ADAMTS17: variants seen among roughly 807,000 people sequenced by gnomAD.
The protein encoded by ADAMTS17 is A disintegrin and metalloproteinase with thrombospondin motifs 17.
In ADAMTS17, 113 loss-of-function variants were observed where a neutral mutation model predicts 141.5. The observed-to-expected ratio is 0.80, with a 90% CI of 0.69 to 0.93. The LOEUF (loss-of-function observed/expected upper bound fraction) is 0.93, where lower values mean the gene tolerates loss of function less well. Ranked by LOEUF, ADAMTS17 falls within the 40% of genes least tolerant of loss-of-function variation. ADAMTS17 has a pLI of 0.00. For synonymous variants in ADAMTS17, 768 were observed against 630.6 expected (o/e 1.22, Z -3.27); for missense variants, 1,659 against 1,517.9 (o/e 1.09, Z -1.54).
At chr15:100,263,902 A>G (rs1484613855) in intron 4 of ADAMTS17, among the ~76,000 whole-genome samples, 1 of 152,240 alleles carries the variant, frequency 6.6e-6, no homozygotes, top group Non-Finnish European at 1.5e-5. Context: ...CAGCATCACC[A>G]GGGTCAACTC....
chr15:100,133,189 G>C, intron 11 of ADAMTS17, 25 bp downstream of exon 11: 1 of 1,559,860 alleles, frequency 6.4e-7, no homozygotes, highest in South Asian at 1.2e-5. Flanking sequence ...CTGCCTGTTG[G>C]GGGCAGTGGG....
intron 18 of ADAMTS17, among the ~76,000 whole-genome samples, chr15:100,008,085 CA>C (rs34543098): frequency 0.083 from 12,598 of 152,056 alleles, 1,388 homozygotes; most frequent in African/African-American, 0.25. Context: ...GAAGAGGCCT[CA>C]GGGGGAAGCA....
At chr15:100,020,798 C>A (rs893212311) in intron 18 of ADAMTS17, among the ~76,000 whole-genome samples, 2 of 152,172 alleles carry the variant, frequency 1.3e-5, no homozygotes, top group Admixed American at 6.5e-5. Context: ...GGCTGGCGTT[C>A]GGCTGTGTCT....
intron 2 of ADAMTS17, among the ~76,000 whole-genome samples, chr15:100,334,203 G>A (rs148022319): frequency 1.5e-3 from 230 of 152,322 alleles, no homozygotes; most frequent in African/African-American, 5.4e-3. Flanking sequence ...AAGTGTGAAA[G>A]ACATAGAGGT....
intron 8 of ADAMTS17, among the ~76,000 whole-genome samples, chr15:100,176,415 G>A (rs559363467): frequency 6.6e-6 from 1 of 152,200 alleles, no homozygotes; most frequent in African/African-American, 2.4e-5. Context: ...CAGAAATCAT[G>A]ACTTAATTGG....
At chr15:99,990,787 A>G (rs2060674692) in intron 20 of ADAMTS17, among the ~76,000 whole-genome samples, 1 of 152,214 alleles carries the variant, frequency 6.6e-6, no homozygotes, top group African/African-American at 2.4e-5. Flanking sequence ...AAGCAAAATT[A>G]CCTGCCTGAG....
At chr15:100,310,513 AGAG>A (rs1422513281) in intron 3 of ADAMTS17, among the ~76,000 whole-genome samples, 1 of 152,214 alleles carries the variant, frequency 6.6e-6, no homozygotes, top group Non-Finnish European at 1.5e-5. Context: ...CTTCGCTTAC[AGAG>A]AAGAAAGGTC....
At chr15:100,297,780 C>T (rs1054654393) in intron 3 of ADAMTS17, among the ~76,000 whole-genome samples, 2 of 152,146 alleles carry the variant, frequency 1.3e-5, no homozygotes, top group Non-Finnish European at 2.9e-5. Context: ...TCAGAGCTCA[C>T]AGCATTCAGG....
At chr15:100,335,848 T>C (rs1486959637) in intron 2 of ADAMTS17, among the ~76,000 whole-genome samples, 1 of 148,642 alleles carries the variant, frequency 6.7e-6, no homozygotes, top group Non-Finnish European at 1.5e-5. Flanking sequence ...CAGCTCCAAA[T>C]GGCCAAACAG....
intron 7 of ADAMTS17, among the ~76,000 whole-genome samples, chr15:100,234,658 CAT>C (rs2042597624): frequency 6.6e-6 from 1 of 152,234 alleles, no homozygotes; most frequent in African/African-American, 2.4e-5. Flanking sequence ...TATCTCAAAA[CAT>C]ATGTTTACCT....
intron 18 of ADAMTS17, among the ~76,000 whole-genome samples, chr15:100,018,348 T>C (rs181348148): frequency 6.2e-4 from 94 of 152,288 alleles, no homozygotes; most frequent in Non-Finnish European, 1.2e-3. Flanking sequence ...AGAAGAAATA[T>C]AAATATCTCC....
intron 7 of ADAMTS17, among the ~76,000 whole-genome samples, chr15:100,241,454 T>C (rs2042824825): frequency 6.6e-6 from 1 of 152,226 alleles, no homozygotes; most frequent in Admixed American, 6.5e-5. Context: ...GCACTTCTGA[T>C]TGTTGCGGTA....
At chr15:100,140,509 C>CTATATATATATATATATATATATATA (rs1567241180) in intron 10 of ADAMTS17, among the ~76,000 whole-genome samples, 1 of 102,276 alleles carries the variant, frequency 9.8e-6, no homozygotes, top group Non-Finnish European at 2.1e-5. Context: ...ATATATATAT[C>CTATATATATATATATATATATATATA]CAGTAAAGAC....
chr15:99,992,971 G>A (rs1181534500), intron 20 of ADAMTS17, 77 bp downstream of exon 20: 12 of 1,586,524 alleles, frequency 7.6e-6, no homozygotes, highest in African/African-American at 4.0e-5. Context: ...ATTGGGACCC[G>A]TCACAAGAGC....
intron 4 of ADAMTS17, among the ~76,000 whole-genome samples, chr15:100,279,996 C>A (rs968171101): frequency 3.3e-5 from 5 of 152,170 alleles, no homozygotes; most frequent in African/African-American, 9.7e-5. Flanking sequence ...CCCCATCCCC[C>A]CCAGGGCTGG....
chr15:100,210,451 A>G (rs1289317094), intron 7 of ADAMTS17, among the ~76,000 whole-genome samples: 3 of 152,166 alleles, frequency 2.0e-5, no homozygotes, highest in Admixed American at 2.0e-4. Flanking sequence ...TGATGAGGAA[A>G]TTAAGACTCT....
intron 15 of ADAMTS17, among the ~76,000 whole-genome samples, chr15:100,094,392 G>A (rs983036531): frequency 6.6e-6 from 1 of 152,256 alleles, no homozygotes; most frequent in African/African-American, 2.4e-5. Context: ...AGAAGGGAAA[G>A]GGGTGAGCAG....
intron 3 of ADAMTS17, among the ~76,000 whole-genome samples, chr15:100,309,018 T>C (rs528855911): frequency 6.6e-6 from 1 of 152,354 alleles, no homozygotes; most frequent in African/African-American, 2.4e-5. Context: ...AGCTACGTTC[T>C]CAACAACATG....
intron 8 of ADAMTS17, among the ~76,000 whole-genome samples, chr15:100,160,671 T>A (rs575059760): frequency 6.6e-6 from 1 of 152,312 alleles, no homozygotes; most frequent in South Asian, 2.1e-4. Flanking sequence ...CCACGTCCAG[T>A]GAGCGTTTCA....
Sources: allele counts gnomAD v4.1 joint callset (sites outside exome capture counted in the v4.1 genomes callset), GRCh38; gene constraint gnomAD v4.1.1; transcripts MANE v1.5; gene names NCBI Gene and HGNC (gene_info 2026-07-23, HGNC 2026-07-21).